Variants in SORBS2 observed in about 807,000 individuals in gnomAD.
SORBS2 encodes the protein sorbin and SH3 domain-containing protein 2.
SORBS2 carries 46 observed loss-of-function variants against 97.7 expected under a neutral mutation model. The ratio of observed to expected loss-of-function variants is 0.47; its 90% confidence interval spans 0.37 to 0.60. The LOEUF (loss-of-function observed/expected upper bound fraction) is 0.60. Among genes scored for constraint, SORBS2 ranks in the 20% least tolerant of loss-of-function variants. The pLI, the probability that SORBS2 is intolerant of heterozygous loss-of-function variation, is 0.00. For synonymous variants in SORBS2, 476 were observed against 473.4 expected (o/e 1.01, Z -0.07); for missense variants, 1,316 against 1,282.3 (o/e 1.03, Z -0.40).
chr4:185,851,888 C>A (rs911480984), intron 1 of SORBS2, among the ~76,000 whole-genome samples: 1 of 152,108 alleles, frequency 6.6e-6, no homozygotes, highest in Non-Finnish European at 1.5e-5. Flanking sequence ...TATTGTGGGG[C>A]CTTGTGACTG....
intron 1 of SORBS2, among the ~76,000 whole-genome samples, chr4:185,908,195 T>A (rs2149859778): frequency 6.7e-6 from 1 of 148,372 alleles, no homozygotes; most frequent in African/African-American, 2.5e-5. Flanking sequence ...CCATCTAACT[T>A]AATAAAAAGA....
chr4:185,644,863 G>A lies in SORBS2; in HGVS notation c.396+1805C>T, dbSNP rs184909622. ...TTTCAATAACAATGATAGGGTCAAT[G>A]TATAAACCCTAAAGGGAGCAAAGGG... On this transcript the variant is annotated intron_variant, in intron 4 of 14. Transcript: ENST00000418609. 1.8e-4 allele frequency among the ~76,000 whole-genome samples: 28 copies of A among 152,262 alleles called. No individual in the cohort carries two copies. In the East Asian group the frequency reaches 5.4e-3, roughly 29 times the overall value.
intron 1 of SORBS2, among the ~76,000 whole-genome samples, chr4:185,798,127 A>G (rs1424928573): frequency 6.6e-6 from 1 of 152,142 alleles, no homozygotes; most frequent in African/African-American, 2.4e-5. Flanking sequence ...ATACACCAAG[A>G]ATGATAGTAA....
At chr4:185,711,712 T>C (rs12643856) in intron 2 of SORBS2, among the ~76,000 whole-genome samples, 120,084 of 152,148 alleles carry the variant, frequency 0.79, 48,377 homozygotes, top group Non-Finnish European at 0.89. Flanking sequence ...CGTAGAGGAA[T>C]GTCCAAATGT....
At position 185,629,350 on chromosome 4, in the gene SORBS2, G is replaced by A. The variant is rs1018958185; in HGVS notation, c.446+1199C>T. Among the ~76,000 whole-genome samples the A allele has an allele frequency of 7.2e-5, 11 of 151,946 alleles. 1 individual carries two copies. Among genetic ancestry groups the A allele is most frequent in the Admixed American group, 5.2e-4 (8 of 15,248 alleles). On this transcript the variant is annotated intron_variant, in intron 5 of 14. Coordinates refer to ENST00000418609, the Ensembl canonical transcript of SORBS2. ...TAGAGGCAGAAGATAAAAAGGAGGG[G>A]TTCCAGAGTTCCTTTCTCAGGGATG...
chr4:185,652,311 G>A (rs974166167), intron 2 of SORBS2, among the ~76,000 whole-genome samples: 6 of 152,188 alleles, frequency 3.9e-5, no homozygotes, highest in Admixed American at 2.0e-4. Context: ...GCAGACCCGC[G>A]CAGGCTCACT....
chr4:185,884,473 A>G (rs2099238381), intron 1 of SORBS2, among the ~76,000 whole-genome samples: 1 of 152,266 alleles, frequency 6.6e-6, no homozygotes, highest in African/African-American at 2.4e-5. Flanking sequence ...AAAAAGTTTT[A>G]TTTTTGCTAA....
At chr4:185,737,418 C>T (rs759666561) in intron 2 of SORBS2, among the ~76,000 whole-genome samples, 3 of 152,106 alleles carry the variant, frequency 2.0e-5, no homozygotes, top group South Asian at 2.1e-4. Flanking sequence ...ATGGCTGTAC[C>T]GTTTAGGGAG....
At chr4:185,928,668 C>G (rs1055014153) in intron 1 of SORBS2, among the ~76,000 whole-genome samples, 1 of 152,108 alleles carries the variant, frequency 6.6e-6, no homozygotes, top group African/African-American at 2.4e-5. Context: ...GCCTCATCCT[C>G]CCGAGTAGCT....
intron 4 of SORBS2, among the ~76,000 whole-genome samples, chr4:185,669,549 G>T (rs1438754786): frequency 6.6e-6 from 1 of 152,172 alleles, no homozygotes; most frequent in Admixed American, 6.5e-5. Context: ...AAGAAGGAGT[G>T]CATGGCCAGG....
At position 185,635,427 on chromosome 4, in the gene SORBS2, C is replaced by T. The variant is rs757992873; in HGVS notation, c.397-4829G>A. 9 of 1,604,462 alleles carry T rather than the reference C, an allele frequency of 5.6e-6. No homozygotes were observed. The highest frequency in any genetic ancestry group is 7.7e-6 in the Non-Finnish European group (9 of 1,171,894). ...TTTTAGGAGGCTGGGTGTAGACGCA[C>T]CACAGAAGCAGAAGTGTAGGGATGG... On this transcript the variant is annotated intron_variant, in intron 4 of 14. Coordinates refer to ENST00000418609, the Ensembl canonical transcript of SORBS2.
At chr4:185,620,466 T>G (rs549502257) in intron 7 of SORBS2, among the ~76,000 whole-genome samples, 2 of 152,216 alleles carry the variant, frequency 1.3e-5, no homozygotes, top group Non-Finnish European at 1.5e-5. Flanking sequence ...TTCATATAAA[T>G]TTTTTCCAAA....
intron 1 of SORBS2, among the ~76,000 whole-genome samples, chr4:185,899,118 A>G (rs2149824060): frequency 6.6e-6 from 1 of 152,288 alleles, no homozygotes; most frequent in African/African-American, 2.4e-5. Flanking sequence ...GCAGCCTCTG[A>G]CAGAGTGCTC....
intron 2 of SORBS2, among the ~76,000 whole-genome samples, chr4:185,696,796 G>A (rs12510108): frequency 0.2 from 29,669 of 152,028 alleles, 3,548 homozygotes; most frequent in South Asian, 0.37. Context: ...GGATCATTAC[G>A]GAACAACATC....
chr4:185,826,499 T>C (rs2099199894), intron 1 of SORBS2, among the ~76,000 whole-genome samples: 1 of 152,236 alleles, frequency 6.6e-6, no homozygotes, highest in African/African-American at 2.4e-5. Flanking sequence ...TCCTAGTCTC[T>C]AAACAGAACA....
chr4:185,587,826 A>T (rs1358643556), intron 14 of SORBS2, 138 bp from the exon 27 acceptor site: 1 of 677,024 alleles, frequency 1.5e-6, no homozygotes, highest in Non-Finnish European at 2.7e-6. Flanking sequence ...GGCAACTCAC[A>T]TGAAGCCCAT....
intron 2 of SORBS2, among the ~76,000 whole-genome samples, chr4:185,743,779 C>T (rs1562250644): frequency 6.6e-6 from 1 of 151,172 alleles, no homozygotes; most frequent in Non-Finnish European, 1.5e-5. Context: ...GTTCTTTCTT[C>T]TCCTTCTTCT....
chr4:185,624,498 T>A lies in SORBS2; in HGVS notation c.635-4A>T. 1 of 1,597,010 alleles carries A rather than the reference T, an allele frequency of 6.3e-7. No homozygotes were observed. The highest frequency in any genetic ancestry group is 8.5e-7 in the Non-Finnish European group (1 of 1,171,846). ...CATATTTTGCTATCATCCCCACCTT[T>A]TAATCCAGAGCAGCGTGGTAGAAGA... On this transcript the variant is annotated splice_region_variant and splice_polypyrimidine_tract_variant and intron_variant, in intron 6 of 14. Transcript: ENST00000418609.
intron 1 of SORBS2, among the ~76,000 whole-genome samples, chr4:185,817,163 T>C (rs1232432384): frequency 3.9e-5 from 6 of 151,970 alleles, no homozygotes; most frequent in Admixed American, 3.9e-4. Flanking sequence ...TGTGTGTTAA[T>C]ATGTGTCAGT....
Sources: gnomAD v4.1 joint callset for allele counts (sites outside exome capture counted in the v4.1 genomes callset) on GRCh38, gnomAD v4.1.1 for gene constraint, MANE v1.5 for transcripts, NCBI Gene and HGNC (gene_info 2026-07-23, HGNC 2026-07-21) for gene names.